The following TASP1 variants were observed in gnomAD, a reference collection of about 807,000 sequenced individuals.
The protein encoded by TASP1 is taspase 1.
TASP1 carries 16 observed loss-of-function variants against 56.6 expected under a neutral mutation model. That is an observed-to-expected ratio of 0.28 (90% confidence interval 0.19 to 0.43). TASP1 has a LOEUF of 0.43. Ranked by LOEUF, TASP1 falls within the 20% of genes least tolerant of loss-of-function variation. The pLI is 1.00. For missense variants in TASP1, 393 were observed against 511.6 expected, an observed-to-expected ratio of 0.77 and a Z score of 2.24; for synonymous variants, 179 against 184.2, an observed-to-expected ratio of 0.97 and a Z score of 0.23.
At position 13,590,250 on chromosome 20, in the gene TASP1, A is replaced by C. The variant is rs146978374; in HGVS notation, c.283-2880T>G. On this transcript the variant is annotated intron_variant, in intron 4 of 13. Coordinates refer to ENST00000337743, the MANE Select transcript of TASP1 (RefSeq NM_017714.3). ...CTCTGTCTCAAAAAAAGAAAAAGAA[A>C]AATGTTCAACATCTTTTGTCATCAG... 2.9e-3 allele frequency among the ~76,000 whole-genome samples: 434 copies of C among 152,278 alleles called. 5 individuals are homozygous for C. The highest frequency in any genetic ancestry group is 0.026 in the Admixed American group (400 of 15,286).
the TASP1 span, among the ~76,000 whole-genome samples, chr20:13,268,352 CTCTCTCTCT>C: frequency 4.1e-4 from 1 of 2,424 alleles, no homozygotes; most frequent in Non-Finnish European, 7.8e-4. Context: ...TTCTTCCTCT[CTCTCTCTCT>C]CTCTCTCTCT....
At chr20:13,233,544 A>C in the TASP1 span, among the ~76,000 whole-genome samples, 1 of 151,558 alleles carries the variant, frequency 6.6e-6, no homozygotes, top group Admixed American at 6.6e-5. Context: ...GCAATGAGCC[A>C]AGACTGTGCT....
At chr20:13,320,451 C>T in the TASP1 span, among the ~76,000 whole-genome samples, 13 of 152,202 alleles carry the variant, frequency 8.5e-5, no homozygotes, top group Non-Finnish European at 1.3e-4. Flanking sequence ...GAGAACCGAA[C>T]TCTGGTTAAT....
the TASP1 span, among the ~76,000 whole-genome samples, chr20:13,276,612 T>C: frequency 3.3e-5 from 5 of 152,308 alleles, no homozygotes; most frequent in African/African-American, 1.2e-4. Context: ...ACTAAGACAC[T>C]TCAATTATGT....
chr20:13,325,896 C>A, the TASP1 span, among the ~76,000 whole-genome samples: 1 of 152,134 alleles, frequency 6.6e-6, no homozygotes, highest in Admixed American at 6.6e-5. Context: ...ATATAGAACA[C>A]CAATACACAC....
intron 5 of TASP1, among the ~76,000 whole-genome samples, chr20:13,582,999 G>C (rs2047179090): frequency 6.6e-6 from 1 of 152,188 alleles, no homozygotes; most frequent in South Asian, 2.1e-4. Flanking sequence ...TGCCCACAGG[G>C]AGCAGCTTTC....
At chr20:13,321,253 T>TAAAAAAAAAAAAAAAAAAA in the TASP1 span, among the ~76,000 whole-genome samples, 129 of 57,496 alleles carry the variant, frequency 2.2e-3, 4 homozygotes, top group South Asian at 4.5e-3. Flanking sequence ...GTGCCCCACA[T>TAAAAAAAAAAAAAAAAAAA]AAAAAAAAAA....
the TASP1 span, among the ~76,000 whole-genome samples, chr20:13,331,196 T>G: frequency 6.6e-6 from 1 of 152,304 alleles, no homozygotes; most frequent in South Asian, 2.1e-4. Context: ...ATATGTTGTA[T>G]TTTTATTTAT....
the TASP1 span, among the ~76,000 whole-genome samples, chr20:13,199,822 C>T: frequency 1.3e-5 from 2 of 152,296 alleles, no homozygotes; most frequent in East Asian, 3.9e-4. Context: ...CAAGTCATGG[C>T]TTGCACTTTA....
At chr20:13,597,810 C>A (rs375043252) in intron 4 of TASP1, among the ~76,000 whole-genome samples, 9 of 152,154 alleles carry the variant, frequency 5.9e-5, no homozygotes, top group African/African-American at 1.9e-4. Flanking sequence ...AATCTCCTTA[C>A]GCTGATAAGC....
chr20:13,181,083 T>C, the TASP1 span, among the ~76,000 whole-genome samples: 1 of 152,160 alleles, frequency 6.6e-6, no homozygotes, highest in Non-Finnish European at 1.5e-5. Context: ...CCTGCATCCC[T>C]CTGGTTAAAG....
the TASP1 span, among the ~76,000 whole-genome samples, chr20:13,366,681 G>A: frequency 6.6e-6 from 1 of 152,236 alleles, no homozygotes; most frequent in Non-Finnish European, 1.5e-5. Context: ...TGTGACACAG[G>A]TCTTCTTCAT....
chr20:13,146,894 G>C, the TASP1 span, among the ~76,000 whole-genome samples: 1 of 152,154 alleles, frequency 6.6e-6, no homozygotes, highest in East Asian at 1.9e-4. Flanking sequence ...CCAATTTCCA[G>C]GTCAGCTGCG....
chr20:13,590,771 C>T (rs1441580682), intron 4 of TASP1, among the ~76,000 whole-genome samples: 1 of 151,986 alleles, frequency 6.6e-6, no homozygotes, highest in African/African-American at 2.4e-5. Flanking sequence ...GAAGCTGAGG[C>T]AGGAGAATCA....
At chr20:13,218,895 T>C in the TASP1 span, among the ~76,000 whole-genome samples, 1 of 152,254 alleles carries the variant, frequency 6.6e-6, no homozygotes, top group Non-Finnish European at 1.5e-5. Context: ...TTGTTCAACA[T>C]TTTATAAAGA....
At chr20:13,131,929 CT>C in the TASP1 span, among the ~76,000 whole-genome samples, 2 of 152,118 alleles carry the variant, frequency 1.3e-5, no homozygotes, top group Admixed American at 1.3e-4. Flanking sequence ...CCTGCCACCC[CT>C]CCCCTCGCTC....
At chr20:13,546,959 G>A (rs1424274911) in intron 8 of TASP1, among the ~76,000 whole-genome samples, 2 of 152,128 alleles carry the variant, frequency 1.3e-5, no homozygotes, top group African/African-American at 4.8e-5. Context: ...ACTAATGCAT[G>A]TTTGAAGCCC....
intron 6 of TASP1, among the ~76,000 whole-genome samples, chr20:13,570,857 G>A (rs1568596243): frequency 6.6e-6 from 1 of 151,996 alleles, no homozygotes; most frequent in Non-Finnish European, 1.5e-5. Context: ...CTGTCCTGAT[G>A]GCATTTTTAG....
At chr20:13,255,468 G>A in the TASP1 span, among the ~76,000 whole-genome samples, 3 of 152,146 alleles carry the variant, frequency 2.0e-5, no homozygotes, top group African/African-American at 7.2e-5. Flanking sequence ...GTATATATAT[G>A]GTAGAGAAGT....
Sources: gnomAD v4.1 joint callset for allele counts (sites outside exome capture counted in the v4.1 genomes callset) on GRCh38, gnomAD v4.1.1 for gene constraint, MANE v1.5 for transcripts, NCBI Gene and HGNC (gene_info 2026-07-23, HGNC 2026-07-21) for gene names.